The following ARHGEF38 variants were observed in gnomAD, a reference collection of about 807,000 sequenced individuals.
The protein encoded by ARHGEF38 is Rho guanine nucleotide exchange factor 38, also known as Rho guanine nucleotide exchange factor (GEF) 38.
A neutral mutation model predicts 79.9 loss-of-function variants in ARHGEF38; 79 were observed. The ratio of observed to expected loss-of-function variants is 0.99; its 90% CI spans 0.82 to 1.19. The LOEUF (loss-of-function observed/expected upper bound fraction) is 1.19, where lower values mean the gene tolerates loss of function less well. ARHGEF38 is among the 50% of genes most tolerant of loss of function. The pLI is 0.00. For synonymous variants in ARHGEF38, 366 were observed against 328.3 expected (o/e 1.11, Z -1.24); for missense variants, 962 against 907.2 (o/e 1.06, Z -0.78).
chr4:105,614,934 A>G (rs191715260), intron 3 of ARHGEF38, among the ~76,000 whole-genome samples: 1 of 152,280 alleles, frequency 6.6e-6, no homozygotes, highest in African/African-American at 2.4e-5. Context: ...CAGTTTCTAC[A>G]CTACTGCAAA....
chr4:105,610,907 G>T (rs1728265645), intron 2 of ARHGEF38, among the ~76,000 whole-genome samples: 1 of 151,964 alleles, frequency 6.6e-6, no homozygotes, highest in Non-Finnish European at 1.5e-5. Context: ...ACAAATTGGT[G>T]AAAAACTCAG....
At chr4:105,576,407 C>CTTTTTTTTTTTTTTT (rs35502329) in intron 1 of ARHGEF38, among the ~76,000 whole-genome samples, 2 of 128,366 alleles carry the variant, frequency 1.6e-5, no homozygotes, top group Admixed American at 7.8e-5. Context: ...TTCTTTTCTT[C>CTTTTTTTTTTTTTTT]TTTTTTTTTT....
chr4:105,661,735 A>T (rs2110568435), intron 10 of ARHGEF38, among the ~76,000 whole-genome samples: 1 of 152,138 alleles, frequency 6.6e-6, no homozygotes, highest in East Asian at 1.9e-4. Flanking sequence ...AGTTCCCCAT[A>T]AAGATCACTC....
chr4:105,562,794 G>C (rs982950851), intron 1 of ARHGEF38, among the ~76,000 whole-genome samples: 4 of 152,184 alleles, frequency 2.6e-5, no homozygotes, highest in Non-Finnish European at 5.9e-5. Flanking sequence ...TTCTGAAATA[G>C]AGATTCGGGT....
intron 10 of ARHGEF38, among the ~76,000 whole-genome samples, chr4:105,664,943 G>C (rs553579541): frequency 6.6e-6 from 1 of 152,232 alleles, no homozygotes; most frequent in African/African-American, 2.4e-5. Flanking sequence ...GCTCCTTAAT[G>C]ATGGATTGAT....
chr4:105,656,189 G>A (rs1730316899), intron 9 of ARHGEF38, among the ~76,000 whole-genome samples: 1 of 152,058 alleles, frequency 6.6e-6, no homozygotes, highest in South Asian at 2.1e-4. Flanking sequence ...CGAGTAGCTG[G>A]AACTAAAGGG....
intron 1 of ARHGEF38, among the ~76,000 whole-genome samples, chr4:105,578,317 T>C (rs949618509): frequency 4.6e-5 from 7 of 152,224 alleles, no homozygotes; most frequent in Non-Finnish European, 8.8e-5. Context: ...TCTCAAAATT[T>C]ATTGAGACTT....
intron 3 of ARHGEF38, among the ~76,000 whole-genome samples, chr4:105,613,754 A>G (rs1728401790): frequency 6.6e-6 from 1 of 151,884 alleles, no homozygotes; most frequent in Admixed American, 6.6e-5. Context: ...CCAATCTTTC[A>G]ATCTCTTTGC....
At chr4:105,599,121 G>A (rs1727710852) in intron 2 of ARHGEF38, among the ~76,000 whole-genome samples, 1 of 152,146 alleles carries the variant, frequency 6.6e-6, no homozygotes, top group Non-Finnish European at 1.5e-5. Flanking sequence ...ATTCTAGTAT[G>A]TGAATTTTCT....
intron 8 of ARHGEF38, among the ~76,000 whole-genome samples, chr4:105,655,395 A>G (rs1169925408): frequency 1.3e-5 from 2 of 152,230 alleles, no homozygotes; most frequent in African/African-American, 2.4e-5. Flanking sequence ...ACAGAGTACT[A>G]TGAGAAAGAG....
intron 4 of ARHGEF38, among the ~76,000 whole-genome samples, chr4:105,634,002 T>C (rs1395452789): frequency 6.6e-6 from 1 of 152,218 alleles, no homozygotes; most frequent in East Asian, 1.9e-4. Flanking sequence ...AGAATAATGT[T>C]GAATCCTTTC....
chr4:105,597,401 T>A (rs984619782), intron 2 of ARHGEF38, among the ~76,000 whole-genome samples: 5 of 152,218 alleles, frequency 3.3e-5, no homozygotes, highest in African/African-American at 1.2e-4. Flanking sequence ...AAAAGACATT[T>A]ACTGTTTCCA....
intron 1 of ARHGEF38, among the ~76,000 whole-genome samples, chr4:105,582,297 T>C (rs1238594417): frequency 6.8e-6 from 1 of 146,222 alleles, no homozygotes. Context: ...TTTGGCTTAT[T>C]GTATTTTTTT....
At position 105,677,739 on chromosome 4, in the gene ARHGEF38, T is replaced by C. The variant is rs1231121047; in HGVS notation, c.2149-13T>C. ...GTTCCAATTCCAATAATGTCTTTTGTTTCTTTGTCTAGATTTTCTATGCAG... is the reference window on the plus strand; with the variant it reads ...GTTCCAATTCCAATAATGTCTTTTGCTTCTTTGTCTAGATTTTCTATGCAG... On this transcript the variant is annotated splice_polypyrimidine_tract_variant and intron_variant, in intron 13 of 13. Transcript: ENST00000420470. The C allele has an allele frequency of 7.1e-7, 1 of 1,409,684 alleles. No individual in the cohort carries two copies. Among genetic ancestry groups the C allele is most frequent in the African/African-American group, 1.4e-5 (1 of 70,222 alleles). 87.3% of individuals were successfully genotyped at this position (1,409,684 alleles called of 1,614,324 possible). A position where few individuals can be genotyped will look rare whatever the true frequency, so the allele number is the denominator to read the frequency against.
At chr4:105,561,394 GTAGAATAATAGAA>G (rs149242035) in intron 1 of ARHGEF38, among the ~76,000 whole-genome samples, 4,707 of 26,156 alleles carry the variant, frequency 0.18, 991 homozygotes, top group Admixed American at 0.21. Flanking sequence ...CAAAAATAGA[GTAGAATAATAGAA>G]TAGAATAGAA....
At position 105,625,731 on chromosome 4, in the gene ARHGEF38, G is replaced by A. The variant is rs73837080; in HGVS notation, c.509-5167G>A. 6.0e-3 allele frequency among the ~76,000 whole-genome samples: 915 copies of A among 152,318 alleles called. 7 individuals carry two copies. Among genetic ancestry groups the A allele is most frequent in the African/African-American group, 0.021 (873 of 41,570 alleles). ...ATGGCCATACCAATTGGATGGGAGG[G>A]TGGGAAATGTCATTTTGATTTGGGG... On this transcript the variant is annotated intron_variant, in intron 3 of 13. Transcript: ENST00000420470.
chr4:105,637,359 A>G (rs1729439498), intron 5 of ARHGEF38, among the ~76,000 whole-genome samples: 1 of 152,152 alleles, frequency 6.6e-6, no homozygotes, highest in Admixed American at 6.6e-5. Flanking sequence ...TGAGAAGCTG[A>G]TTTTTGAGAC....
chr4:105,607,436 A>G (rs535938731), intron 2 of ARHGEF38, among the ~76,000 whole-genome samples: 1 of 152,144 alleles, frequency 6.6e-6, no homozygotes, highest in African/African-American at 2.4e-5. Context: ...GATTCAATTC[A>G]GTTCAAATTT....
intron 4 of ARHGEF38, among the ~76,000 whole-genome samples, chr4:105,631,995 G>A (rs905400210): frequency 2.0e-5 from 3 of 152,008 alleles, no homozygotes; most frequent in South Asian, 2.1e-4. Context: ...CACCTCCCCC[G>A]TTTACTCTGT....
Sources: allele counts gnomAD v4.1 joint callset (sites outside exome capture counted in the v4.1 genomes callset), GRCh38; gene constraint gnomAD v4.1.1; transcripts MANE v1.5; gene names NCBI Gene and HGNC (gene_info 2026-07-23, HGNC 2026-07-21).